Variants in RBPJ observed in about 807,000 individuals in gnomAD.
RBPJ encodes the protein recombining binding protein suppressor of hairless.
In RBPJ, 9 loss-of-function variants were observed where a neutral mutation model predicts 67.8. The ratio of observed to expected loss-of-function variants is 0.13; its 90% confidence interval spans 0.08 to 0.23. RBPJ has a LOEUF of 0.23. RBPJ is among the 10% of genes least tolerant of loss of function. The pLI, the probability that RBPJ is intolerant of heterozygous loss-of-function variation, is 1.00. For missense variants in RBPJ, 305 were observed against 595.6 expected, an observed-to-expected ratio of 0.51 and a Z score of 5.08; for synonymous variants, 198 against 203.3, an observed-to-expected ratio of 0.97 and a Z score of 0.22.
At chr4:26,284,673 C>T (rs1311355436) in intron 1 of RBPJ, among the ~76,000 whole-genome samples, 7 of 151,544 alleles carry the variant, frequency 4.6e-5, no homozygotes, top group East Asian at 1.9e-4. Flanking sequence ...TTCGCCATGT[C>T]GGCCAGGCTG....
intron 1 of RBPJ, among the ~76,000 whole-genome samples, chr4:26,343,541 T>G (rs1386325848): frequency 1.3e-5 from 2 of 151,324 alleles, no homozygotes; most frequent in African/African-American, 4.8e-5. Flanking sequence ...ATACAGGTTG[T>G]TTGTTTGTTT....
the RBPJ span, among the ~76,000 whole-genome samples, chr4:26,139,148 G>C: frequency 9.1e-6 from 1 of 109,416 alleles, no homozygotes. Flanking sequence ...CACGGCCACA[G>C]ACCCAATCTC....
the RBPJ span, among the ~76,000 whole-genome samples, chr4:26,135,781 C>T: frequency 6.6e-6 from 1 of 152,166 alleles, no homozygotes. Flanking sequence ...TTTGCAACAG[C>T]CTCTGACATA....
chr4:26,282,160 A>G (rs1422866091), intron 1 of RBPJ, among the ~76,000 whole-genome samples: 1 of 117,806 alleles, frequency 8.5e-6, no homozygotes, highest in South Asian at 2.5e-4. Context: ...TTTTTTTGCT[A>G]ATGTAAATCT....
chr4:26,372,854 GT>G (rs1383137108), intron 1 of RBPJ, among the ~76,000 whole-genome samples: 2 of 152,138 alleles, frequency 1.3e-5, no homozygotes, highest in Non-Finnish European at 2.9e-5. Context: ...CTCCTGTGCT[GT>G]TTTTTTCCCT....
chr4:26,430,813 T>G lies in RBPJ; in HGVS notation c.1270T>G (p.Ser424Ala). ...TLVRNDGIIYSTSLTFTYTPE... is the reference protein window; with the variant it reads ...TLVRNDGIIYATSLTFTYTPE... ...GGTCCGAAATGATGGAATCATTTAT[T>G]CCACCAGCCTTACCTTTACCTACAC... The change falls in exon 11 of 11, where the codon TCC (serine) becomes GCC (alanine). Residue 424 changes from serine to alanine, a missense_variant. This residue lies in a region of RBPJ where 47 missense variants were observed against 128.2 expected (regional missense o/e 0.37). Transcript: ENST00000355476. The surrounding 1 kb of genome is among the most constrained non-coding windows in gnomAD (Gnocchi z 4.1). The G allele has an allele frequency of 2.5e-6, 4 of 1,613,982 alleles. No individual in the cohort carries two copies. Among genetic ancestry groups the G allele is most frequent in the Non-Finnish European group, 2.5e-6 (3 of 1,179,980 alleles).
At chr4:26,291,586 T>C (rs1179297562) in intron 1 of RBPJ, among the ~76,000 whole-genome samples, 2 of 150,310 alleles carry the variant, frequency 1.3e-5, no homozygotes, top group Admixed American at 6.6e-5. Context: ...ATGACTTTTT[T>C]TTTTTTTTGA....
chr4:26,398,880 G>A (rs973834432), intron 2 of RBPJ, among the ~76,000 whole-genome samples: 5 of 152,180 alleles, frequency 3.3e-5, no homozygotes, highest in Non-Finnish European at 7.3e-5. Context: ...CCAAAGTGCT[G>A]GGATTACAGG....
At chr4:26,297,334 T>TTGTGTG (rs3065203) in intron 1 of RBPJ, among the ~76,000 whole-genome samples, 6,446 of 146,754 alleles carry the variant, frequency 0.044, 474 homozygotes, top group African/African-American at 0.15. Context: ...AAAAATCACT[T>TTGTGTG]TGTGTGTGTG....
At chr4:26,112,178 C>T in the RBPJ span, 1 of 152,712 alleles carries the variant, frequency 6.5e-6, no homozygotes, top group Non-Finnish European at 1.5e-5. Context: ...TTGTGTTCAC[C>T]AAAAACAAAA....
chr4:26,336,755 T>A (rs1020190994), intron 1 of RBPJ, among the ~76,000 whole-genome samples: 1 of 152,060 alleles, frequency 6.6e-6, no homozygotes, highest in African/African-American at 2.4e-5. Flanking sequence ...AAACACTGTA[T>A]ATGTAGTTTT....
At chr4:26,338,912 C>G (rs903312148) in intron 1 of RBPJ, among the ~76,000 whole-genome samples, 1 of 151,666 alleles carries the variant, frequency 6.6e-6, no homozygotes, top group African/African-American at 2.4e-5. Flanking sequence ...CTCACTCTGT[C>G]TCGATCTCAG....
At chr4:26,327,526 C>T (rs1401730640) in intron 1 of RBPJ, among the ~76,000 whole-genome samples, 2 of 141,786 alleles carry the variant, frequency 1.4e-5, no homozygotes, top group East Asian at 2.1e-4. Flanking sequence ...ACTAGAGAAT[C>T]AAGTTGACCC....
chr4:26,195,934 C>T (rs933936981), intron 1 of RBPJ, among the ~76,000 whole-genome samples: 10 of 151,928 alleles, frequency 6.6e-5, no homozygotes, highest in Non-Finnish European at 1.5e-4. Flanking sequence ...TTTAGAGTGT[C>T]GTTATTTTCA....
chr4:26,209,254 G>C (rs1718280213), intron 1 of RBPJ, among the ~76,000 whole-genome samples: 1 of 152,048 alleles, frequency 6.6e-6, no homozygotes, highest in South Asian at 2.1e-4. Context: ...AAACACGGCA[G>C]TTTCTTCCAA....
At chr4:26,306,390 A>G (rs1327655247) in intron 1 of RBPJ, among the ~76,000 whole-genome samples, 1 of 151,700 alleles carries the variant, frequency 6.6e-6, no homozygotes, top group Non-Finnish European at 1.5e-5. Flanking sequence ...TTTTGTGTCA[A>G]TATTATAAGA....
chr4:26,141,937 G>A, the RBPJ span, among the ~76,000 whole-genome samples: 4 of 152,224 alleles, frequency 2.6e-5, no homozygotes, highest in African/African-American at 4.8e-5. Context: ...AAGCTGTGCC[G>A]GAATTTGCAT....
chr4:26,357,537 C>G (rs1727522296), intron 1 of RBPJ, among the ~76,000 whole-genome samples: 1 of 152,098 alleles, frequency 6.6e-6, no homozygotes. Context: ...ATTTGTGTAT[C>G]TCATCAGGTG....
chr4:26,389,210 CAG>C (rs138934953), intron 2 of RBPJ, among the ~76,000 whole-genome samples: 5,913 of 151,552 alleles, frequency 0.039, 306 homozygotes, highest in African/African-American at 0.12. Flanking sequence ...GCCTGGGTGA[CAG>C]AGTGAGACCC....
Sources: allele counts gnomAD v4.1 joint callset (sites outside exome capture counted in the v4.1 genomes callset), GRCh38; gene constraint gnomAD v4.1.1; regional missense constraint gnomAD v4.1.1; non-coding constraint Gnocchi (gnomAD v3.1); transcripts MANE v1.5; gene names NCBI Gene and HGNC (gene_info 2026-07-23, HGNC 2026-07-21).